Variants in NDRG1 observed in about 807,000 individuals in gnomAD.
The protein encoded by NDRG1 is N-myc downstream regulated 1, also known as protein NDRG1.
A neutral mutation model predicts 56.9 loss-of-function variants in NDRG1; 32 were observed. The observed-to-expected ratio is 0.56, with a 90% CI of 0.42 to 0.76. NDRG1 has a LOEUF of 0.76. Ranked by LOEUF, NDRG1 falls within the 30% of genes least tolerant of loss-of-function variation. NDRG1 has a pLI of 0.00. For synonymous variants in NDRG1, 211 were observed against 204.1 expected (o/e 1.03, Z -0.29); for missense variants, 507 against 545.7 (o/e 0.93, Z 0.71).
At chr8:133,242,189 GC>G in intron 14 of NDRG1, 115 bp from the exon 15 acceptor site, 1 of 1,041,012 alleles carries the variant, frequency 9.6e-7, no homozygotes, top group Non-Finnish European at 1.5e-6. Flanking sequence ...CAAGACAAAA[GC>G]CATCACGTGT....
At chr8:133,274,828 C>T (rs1335473904) in intron 3 of NDRG1, among the ~76,000 whole-genome samples, 1 of 152,190 alleles carries the variant, frequency 6.6e-6, no homozygotes, top group African/African-American at 2.4e-5. Flanking sequence ...ATGTGGCTCA[C>T]TTCACAGCTG....
chr8:133,269,197 C>T (rs546288790), intron 3 of NDRG1, among the ~76,000 whole-genome samples: 1 of 152,310 alleles, frequency 6.6e-6, no homozygotes, highest in Admixed American at 6.5e-5. Flanking sequence ...TCTCGAAGCT[C>T]ATGAGGGACC....
At position 133,248,787 on chromosome 8, in the gene NDRG1, G is replaced by A. The variant is rs567104964; in HGVS notation, c.699-16C>T. On this transcript the variant is annotated splice_polypyrimidine_tract_variant and intron_variant, in intron 10 of 15. Coordinates refer to ENST00000323851, the MANE Select transcript of NDRG1 (RefSeq NM_006096.4). ...GTCGCGCCGGCTGCAGGAAACAAAT[G>A]CATCATTAGCATGAGGACCCCTCCC... 1 of 1,614,056 alleles carries A rather than the reference G, an allele frequency of 6.2e-7. No individual in the cohort carries two copies. Among genetic ancestry groups the A allele is most frequent in the Non-Finnish European group, 8.5e-7 (1 of 1,180,006 alleles).
chr8:133,243,902 GCACACA>G lies in NDRG1; in HGVS notation c.891+447_891+452del, dbSNP rs548872685. Among the ~76,000 whole-genome samples, 20 of 152,152 alleles carry G rather than the reference GCACACA, an allele frequency of 1.3e-4. No homozygotes were observed. The East Asian group carries it at 3.5e-3, about 26-fold the overall frequency. On this transcript the variant is annotated intron_variant, in intron 14 of 15. Transcript: ENST00000323851. The stretch of plus-strand genomic sequence containing the variant: ...GATCAATGTGTTTATTTGTACATGT[GCACACA>G]CATTTACACATGCACACAGACATGT...
chr8:133,271,451 T>G (rs1364608657), intron 3 of NDRG1, among the ~76,000 whole-genome samples: 2 of 152,142 alleles, frequency 1.3e-5, no homozygotes, highest in Non-Finnish European at 2.9e-5. Context: ...CCCTATATTT[T>G]CCTGGTTCAT....
intron 3 of NDRG1, among the ~76,000 whole-genome samples, chr8:133,272,950 C>T (rs904921212): frequency 3.3e-5 from 5 of 152,112 alleles, no homozygotes; most frequent in Non-Finnish European, 7.4e-5. Context: ...TGAGCTGGTC[C>T]GCTTCCAAGA....
At chr8:133,296,016 G>A (rs1199583653) in intron 1 of NDRG1, among the ~76,000 whole-genome samples, 1 of 152,126 alleles carries the variant, frequency 6.6e-6, no homozygotes, top group East Asian at 1.9e-4. Flanking sequence ...AACAGGCGGG[G>A]GATATGGGGG....
intron 11 of NDRG1, 49 bp downstream of exon 11, chr8:133,248,666 T>G: frequency 6.2e-7 from 1 of 1,608,622 alleles, no homozygotes. Context: ...GCCACCTTTA[T>G]AGTGGGCAGC....
At chr8:133,279,043 C>A (rs1489328758) in intron 3 of NDRG1, among the ~76,000 whole-genome samples, 1 of 152,182 alleles carries the variant, frequency 6.6e-6, no homozygotes, top group Admixed American at 6.5e-5. Context: ...GTGCTTACCA[C>A]CATGCCTGGC....
intron 3 of NDRG1, among the ~76,000 whole-genome samples, chr8:133,267,245 C>T (rs1415770420): frequency 2.0e-5 from 3 of 152,214 alleles, no homozygotes; most frequent in African/African-American, 7.2e-5. Context: ...CTCGCCTGCC[C>T]TGGGTTTCCG....
At chr8:133,259,692 A>G in intron 5 of NDRG1, among the ~76,000 whole-genome samples, 1 of 136,544 alleles carries the variant, frequency 7.3e-6, no homozygotes, top group East Asian at 1.9e-4. Flanking sequence ...ACAGGCATGA[A>G]TGAGTTCCAT....
chr8:133,242,922 G>T (rs780998119), intron 14 of NDRG1, among the ~76,000 whole-genome samples: 48 of 152,168 alleles, frequency 3.2e-4, no homozygotes, highest in African/African-American at 1.0e-3. Context: ...CAACTAACTG[G>T]GCTACTTTAA....
At chr8:133,258,106 A>G (rs1390125166) in intron 7 of NDRG1, among the ~76,000 whole-genome samples, 2 of 152,136 alleles carry the variant, frequency 1.3e-5, no homozygotes, top group African/African-American at 4.8e-5. Context: ...GTGAGTGAGG[A>G]GCGTCCTCAC....
intron 4 of NDRG1, among the ~76,000 whole-genome samples, chr8:133,263,168 T>C (rs79868859): frequency 4.2e-4 from 64 of 152,140 alleles, no homozygotes; most frequent in African/African-American, 1.4e-3. Flanking sequence ...TAAATCAAAA[T>C]ACCTAGCATG....
chr8:133,294,712 G>A (rs911901395), intron 1 of NDRG1, among the ~76,000 whole-genome samples: 1 of 152,136 alleles, frequency 6.6e-6, no homozygotes, highest in Admixed American at 6.5e-5. Context: ...CCAACTCAGG[G>A]GGCTGCAGCC....
chr8:133,242,233 G>T (rs1855428267), intron 14 of NDRG1, among the ~76,000 whole-genome samples, 159 bp from the exon 15 acceptor site: 1 of 152,178 alleles, frequency 6.6e-6, no homozygotes, highest in Non-Finnish European at 1.5e-5. Flanking sequence ...AAGAGTATGG[G>T]ACAATGATGG....
At position 133,258,639 on chromosome 8, in the gene NDRG1, T is replaced by C. The variant is rs538245980; in HGVS notation, c.390-213A>G. Among the ~76,000 whole-genome samples, 37 of 152,322 alleles carry C rather than the reference T, an allele frequency of 2.4e-4. No individual in the cohort carries two copies. In the South Asian group the frequency reaches 7.3e-3, roughly 30 times the overall value. On this transcript the variant is annotated intron_variant, in intron 6 of 15. Transcript: ENST00000323851. ...GCGCCCCTTCTCCTCACTTCCCTCC[T>C]GGCCGCCACCCAGGCTCTGAGAGAC...
At chr8:133,272,512 C>T (rs1392954875) in intron 3 of NDRG1, among the ~76,000 whole-genome samples, 2 of 152,210 alleles carry the variant, frequency 1.3e-5, no homozygotes, top group East Asian at 1.9e-4. Flanking sequence ...GCTGGGTCTG[C>T]ACTCGCTGCC....
chr8:133,243,919 T>C (rs1366036588), intron 14 of NDRG1, among the ~76,000 whole-genome samples: 2 of 151,794 alleles, frequency 1.3e-5, no homozygotes, highest in African/African-American at 4.8e-5. Flanking sequence ...CATTTACACA[T>C]GCACACAGAC....
Sources: allele counts gnomAD v4.1 joint callset (sites outside exome capture counted in the v4.1 genomes callset), GRCh38; gene constraint gnomAD v4.1.1; transcripts MANE v1.5; gene names NCBI Gene and HGNC (gene_info 2026-07-23, HGNC 2026-07-21).